RPS9: variants seen among roughly 807,000 people sequenced by gnomAD.
The protein encoded by RPS9 is ribosomal protein S9, also known as small ribosomal subunit protein uS4.
In RPS9, 1 loss-of-function variant was observed where a neutral mutation model predicts 16.9. The observed-to-expected ratio is 0.06, with a 90% confidence interval of 0.02 to 0.28. The LOEUF (loss-of-function observed/expected upper bound fraction) is 0.28, where lower values mean the gene tolerates loss of function less well. Ranked by LOEUF, RPS9 falls within the 10% of genes least tolerant of loss-of-function variation. The pLI is 1.00. For synonymous variants in RPS9, 106 were observed against 110.9 expected (o/e 0.96, Z 0.28); for missense variants, 137 against 273.2 (o/e 0.50, Z 3.51).
chr19:54,207,184 G>A (rs1348991390), intron 4 of RPS9: 2 of 543,176 alleles, frequency 3.7e-6, no homozygotes, highest in African/African-American at 1.9e-5. Context: ...TATAAAATGG[G>A]GTTGAGAAAG....
chr19:54,206,027 G>A (rs1301346845), intron 3 of RPS9, among the ~76,000 whole-genome samples: 2 of 152,142 alleles, frequency 1.3e-5, no homozygotes, highest in Non-Finnish European at 2.9e-5. Flanking sequence ...CATGTTGGCC[G>A]GGCTGGTCTC....
At chr19:54,205,728 C>G (rs1323550191) in intron 3 of RPS9, among the ~76,000 whole-genome samples, 2 of 152,226 alleles carry the variant, frequency 1.3e-5, no homozygotes, top group East Asian at 3.9e-4. Flanking sequence ...GATGTATGCT[C>G]TCAGATGAGG....
intron 3 of RPS9, among the ~76,000 whole-genome samples, chr19:54,204,331 C>CTCCA (rs538770081): frequency 1.1e-3 from 167 of 152,352 alleles, no homozygotes; most frequent in African/African-American, 3.9e-3. Context: ...CGCCATTGCA[C>CTCCA]TCCAGCCTGG....
intron 3 of RPS9, among the ~76,000 whole-genome samples, chr19:54,203,771 T>TCCCCCCCCCCCCCCCCCCCC (rs11439192): frequency 3.6e-5 from 4 of 111,564 alleles, no homozygotes; most frequent in South Asian, 3.1e-4. Flanking sequence ...CAACACGAAC[T>TCCCCCCCCCCCCCCCCCCCC]CCCCCCCCAC....
intron 3 of RPS9, among the ~76,000 whole-genome samples, chr19:54,206,033 GTC>G (rs1341823804): frequency 5.9e-5 from 9 of 152,250 alleles, no homozygotes; most frequent in African/African-American, 2.2e-4. Context: ...GGCCGGGCTG[GTC>G]TCTCAAACTC....
intron 4 of RPS9, chr19:54,206,782 G>A (rs1465836162): frequency 1.4e-6 from 2 of 1,406,220 alleles, no homozygotes; most frequent in East Asian, 5.0e-5. Flanking sequence ...TCGCTTGGGT[G>A]GTGGGTTCAG....
At chr19:54,205,460 C>T (rs17273267) in intron 3 of RPS9, among the ~76,000 whole-genome samples, 118,853 of 151,372 alleles carry the variant, frequency 0.79, 47,690 homozygotes, top group East Asian at 0.93. Flanking sequence ...TGACATGTAC[C>T]TAGCTGGAAA....
At position 54,201,567 on chromosome 19, in the gene RPS9, C is replaced by T. The variant is rs2077053657; in HGVS notation, c.178C>T (p.Leu60=). The change falls in exon 3 of 5, where the codon CTG becomes TTG. Residue 60 remains leucine, a synonymous_variant. Transcript: ENST00000302907. ...LAKIRKAARE[L]LTLDEKDPRR... ...CAAGATCCGCAAGGCCGCCCGGGAA[C>T]TGCTGACGCTTGATGAGAAGGACCC... The T allele has an allele frequency of 3.7e-6, 6 of 1,614,158 alleles. No individual in the cohort carries two copies. The highest frequency in any genetic ancestry group is 1.3e-5 in the African/African-American group (1 of 75,034).
intron 1 of RPS9, 133 bp from the exon 2 acceptor site, chr19:54,201,027 C>T (rs2077023791): frequency 1.2e-5 from 17 of 1,467,398 alleles, no homozygotes; most frequent in Non-Finnish European, 1.5e-5. Flanking sequence ...GTTGTGGGGG[C>T]AGATACTGAC....
chr19:54,202,417 C>T, intron 3 of RPS9: 1 of 984,898 alleles, frequency 1.0e-6, no homozygotes, highest in Non-Finnish European at 1.2e-6. Context: ...TTTTTTTAAG[C>T]TGGTCAAGGA....
At position 54,206,577 on chromosome 19, in the gene RPS9, TCACC is replaced by T. The variant is rs1462401596; in HGVS notation, c.407+118_407+121del. ...GCCCTCGGAGGTGATGGGTGTGAACTCACCCAGAGGGTACAGATTCACCCTTGCA... is the reference window on the plus strand; with the variant it reads ...GCCCTCGGAGGTGATGGGTGTGAACTCAGAGGGTACAGATTCACCCTTGCA... On this transcript the variant is annotated intron_variant, in intron 4 of 4. Transcript: ENST00000302907. 3 of 1,556,218 alleles carry T rather than the reference TCACC, an allele frequency of 1.9e-6. 1 individual carries two copies. The highest frequency in any genetic ancestry group is 2.4e-5 in the East Asian group (1 of 41,172).
At chr19:54,202,540 G>A in intron 3 of RPS9, 5 of 979,304 alleles carry the variant, frequency 5.1e-6, no homozygotes, top group Non-Finnish European at 6.1e-6. Context: ...ATAGACTTAG[G>A]CTTACTTTAC....
intron 3 of RPS9, among the ~76,000 whole-genome samples, chr19:54,205,063 A>G (rs1001420384): frequency 6.6e-6 from 1 of 152,154 alleles, no homozygotes; most frequent in Non-Finnish European, 1.5e-5. Context: ...ATGCATGTAG[A>G]TCTATTTATG....
At chr19:54,204,852 T>C (rs1310812870) in intron 3 of RPS9, among the ~76,000 whole-genome samples, 4 of 152,134 alleles carry the variant, frequency 2.6e-5, no homozygotes, top group Admixed American at 6.6e-5. Context: ...TATCCTCTGA[T>C]GTTGAGTTAA....
rs158366 is a variant in RPS9, at chr19:54,201,449, C to G, written c.98-38C>G. On this transcript the variant is annotated intron_variant, in intron 2 of 4. Transcript: ENST00000302907. Reference sequence around the variant, plus strand: ...TGCCAGTCTAGTTGTTGTGCCAGTACGTGGGACTACACTTGTCCACCCCCT... The same window carrying G: ...TGCCAGTCTAGTTGTTGTGCCAGTAGGTGGGACTACACTTGTCCACCCCCT... 597,688 of 1,612,412 alleles carry G rather than the reference C, an allele frequency of 0.37. 115,732 individuals are homozygous for G. The highest frequency in any genetic ancestry group is 0.42 in the East Asian group (19,002 of 44,846).
intron 3 of RPS9, among the ~76,000 whole-genome samples, chr19:54,203,648 A>G (rs1022380585): frequency 1.3e-5 from 2 of 152,102 alleles, no homozygotes; most frequent in East Asian, 3.9e-4. Flanking sequence ...TGGTGTGCCT[A>G]TAATCCCAGC....
At chr19:54,201,725 C>T (rs1357788604) in intron 3 of RPS9, 116 bp downstream of exon 3, 4 of 1,499,542 alleles carry the variant, frequency 2.7e-6, no homozygotes, top group South Asian at 1.3e-5. Context: ...ATGGAACCAG[C>T]CTTCTAACTT....
chr19:54,206,132 C>T, intron 3 of RPS9, 144 bp from the exon 4 acceptor site: 2 of 774,080 alleles, frequency 2.6e-6, no homozygotes, highest in Non-Finnish European at 2.0e-6. Context: ...GTGGTTTTGA[C>T]AGTGACATGG....
Position 54,200,907 on chromosome 19 carries a change from C to G in RPS9, c.-26+19C>G, listed in dbSNP as rs60811961. ...TGCTTAGGTGAGGTGCGGTGGTGTG[C>G]TTTTTCTCTAGGGTTTGGGTTGGAT... On this transcript the variant is annotated intron_variant, in intron 1 of 4. Coordinates refer to ENST00000302907, the MANE Select transcript of RPS9 (RefSeq NM_001013.4). 6.0e-3 allele frequency: 7,086 copies of G among 1,185,096 alleles called. 295 individuals are homozygous for G. The African/African-American group carries it at 0.1, about 17-fold the overall frequency. The allele number at this position is 1,185,096 out of a possible 1,614,324, so 73.4% of individuals were successfully genotyped here. A position where few individuals can be genotyped will look rare whatever the true frequency, so the allele number is the denominator to read the frequency against.
Sources: allele counts gnomAD v4.1 joint callset (sites outside exome capture counted in the v4.1 genomes callset), GRCh38; gene constraint gnomAD v4.1.1; transcripts MANE v1.5; gene names NCBI Gene and HGNC (gene_info 2026-07-23, HGNC 2026-07-21).